PPHLN1: variants seen among roughly 807,000 people sequenced by gnomAD.
The protein encoded by PPHLN1 is periphilin 1.
In PPHLN1, 29 loss-of-function variants were observed where a neutral mutation model predicts 51.3. The observed-to-expected ratio is 0.57, with a 90% confidence interval of 0.42 to 0.77. The LOEUF is 0.77. Among genes scored for constraint, PPHLN1 ranks in the 30% least tolerant of loss-of-function variants. The pLI is 0.00. For synonymous variants in PPHLN1, 147 were observed against 147.8 expected (o/e 0.99, Z 0.04); for missense variants, 436 against 438.4 (o/e 0.99, Z 0.05).
chr12:42,356,616 GTTTC>G (rs1185980142), intron 4 of PPHLN1, among the ~76,000 whole-genome samples: 1 of 152,116 alleles, frequency 6.6e-6, no homozygotes, highest in Non-Finnish European at 1.5e-5. Context: ...ATGGCAGACT[GTTTC>G]TTCCAAAAGA....
intron 8 of PPHLN1, among the ~76,000 whole-genome samples, chr12:42,396,615 C>CAAAAAAAAAAAAAAAAAAAA (rs60131845): frequency 3.5e-5 from 3 of 85,496 alleles, no homozygotes; most frequent in East Asian, 4.3e-4. Flanking sequence ...CTTGTCACTA[C>CAAAAAAAAAAAAAAAAAAAA]AAAAAAAAAA....
intron 9 of PPHLN1, among the ~76,000 whole-genome samples, chr12:42,420,668 C>CCCCCT (rs2080915078): frequency 6.4e-5 from 6 of 94,238 alleles, no homozygotes; most frequent in African/African-American, 2.1e-4. Flanking sequence ...CCTTCCCTCC[C>CCCCCT]GCCCTCCCCT....
chr12:42,427,441 AAT>A (rs767863561), intron 9 of PPHLN1, among the ~76,000 whole-genome samples: 14 of 152,346 alleles, frequency 9.2e-5, no homozygotes, highest in Middle Eastern at 3.4e-3. Flanking sequence ...AATGGAACAG[AAT>A]AGAGAACCCA....
At chr12:42,335,222 CCTT>C (rs911782548) in intron 1 of PPHLN1, among the ~76,000 whole-genome samples, 3 of 152,002 alleles carry the variant, frequency 2.0e-5, no homozygotes, top group African/African-American at 7.3e-5. Flanking sequence ...CCCACCCCCC[CCTT>C]CTCTGAATCC....
At chr12:42,446,259 T>G, downstream of PPHLN1, 1 of 1,609,054 alleles carries the variant, frequency 6.2e-7, no homozygotes, top group Non-Finnish European at 8.5e-7. Flanking sequence ...TTCCTTGCTA[T>G]GCTCTCTGTT....
intron 9 of PPHLN1, among the ~76,000 whole-genome samples, chr12:42,422,967 C>T (rs1177896043): frequency 6.6e-5 from 10 of 152,096 alleles, no homozygotes; most frequent in Admixed American, 4.6e-4. Flanking sequence ...AACTAACACC[C>T]GGTATTTACC....
At chr12:42,443,675 A>T (rs1051179793), downstream of PPHLN1, 2 of 152,156 alleles carry the variant, frequency 1.3e-5, no homozygotes, top group Admixed American at 6.5e-5. Context: ...GAATTTGCCC[A>T]TTTTCGTCAT....
At chr12:42,371,415 G>C (rs2138690860) in intron 4 of PPHLN1, among the ~76,000 whole-genome samples, 1 of 152,206 alleles carries the variant, frequency 6.6e-6, no homozygotes, top group Non-Finnish European at 1.5e-5. Flanking sequence ...ACTGCACCCG[G>C]CCAACTCCTA....
intron 5 of PPHLN1, among the ~76,000 whole-genome samples, chr12:42,379,435 C>T (rs922633351): frequency 1.3e-5 from 2 of 151,644 alleles, no homozygotes; most frequent in Admixed American, 6.6e-5. Flanking sequence ...GGAGTACTAT[C>T]ATATTCTTCA....
intron 9 of PPHLN1, among the ~76,000 whole-genome samples, chr12:42,435,334 T>C (rs1006008397): frequency 6.6e-6 from 1 of 152,222 alleles, no homozygotes; most frequent in African/African-American, 2.4e-5. Flanking sequence ...ATATTGAATG[T>C]AGGCACTATA....
chr12:42,399,647 C>G (rs1812521715), intron 9 of PPHLN1: 1 of 173,856 alleles, frequency 5.8e-6, no homozygotes, highest in East Asian at 1.9e-4. Flanking sequence ...AAATTAAGAA[C>G]AAAGTGAAAA....
chr12:42,443,352 T>C (rs1205250694), downstream of PPHLN1: 4 of 152,310 alleles, frequency 2.6e-5, no homozygotes, highest in Non-Finnish European at 5.9e-5. Context: ...CCCATTACTT[T>C]TTATGCTTAT....
chr12:42,439,594 G>A (rs572702853), intron 9 of PPHLN1, among the ~76,000 whole-genome samples: 290 of 152,236 alleles, frequency 1.9e-3, no homozygotes, highest in African/African-American at 6.6e-3. Context: ...GGCTCACTGC[G>A]ACGTCTGCCT....
At chr12:42,407,071 A>ACTACC (rs1197477449) in intron 9 of PPHLN1, among the ~76,000 whole-genome samples, 4 of 152,224 alleles carry the variant, frequency 2.6e-5, no homozygotes, top group African/African-American at 9.6e-5. Flanking sequence ...CTGCAACAAT[A>ACTACC]CTACCCCATC....
intron 2 of PPHLN1, chr12:42,347,021 G>C (rs749166143): frequency 2.6e-5 from 4 of 152,208 alleles, no homozygotes; most frequent in Admixed American, 2.6e-4. Context: ...AAGTATCTGC[G>C]ATTACAGGTG....
chr12:42,374,711 C>A, intron 4 of PPHLN1, 152 bp from the exon 5 acceptor site: 1 of 587,298 alleles, frequency 1.7e-6, no homozygotes, highest in Non-Finnish European at 2.9e-6. Flanking sequence ...GTCTCGGCCT[C>A]CCAAAGTGCT....
chr12:42,404,476 C>T (rs1259198467), intron 9 of PPHLN1, among the ~76,000 whole-genome samples: 2 of 152,032 alleles, frequency 1.3e-5, no homozygotes, highest in Non-Finnish European at 2.9e-5. Flanking sequence ...TTGCAGTGAG[C>T]CGAGATTGCG....
Position 42,400,758 on chromosome 12 carries a change from T to G in PPHLN1, c.909+1764T>G, listed in dbSNP as rs149281898. 1.6e-4 allele frequency among the ~76,000 whole-genome samples: 23 copies of G among 144,116 alleles called. No individual in the cohort carries two copies. The East Asian group carries it at 3.6e-3, about 23-fold the overall frequency. The allele number at this position is 144,116 out of a possible 152,430, so 94.5% of individuals were successfully genotyped here. A position where few individuals can be genotyped will look rare whatever the true frequency, so the allele number is the denominator to read the frequency against. ...AATAACAGGGGAGAGCGAGACCCTG[T>G]CTCTCTCTCTCTCTCTTTCTCTCTC... On this transcript the variant is annotated intron_variant, in intron 9 of 9. Coordinates refer to ENST00000358314, the MANE Select transcript of PPHLN1 (RefSeq NM_201439.2).
chr12:42,429,411 C>G (rs2081826433), intron 9 of PPHLN1, among the ~76,000 whole-genome samples: 1 of 152,136 alleles, frequency 6.6e-6, no homozygotes, highest in Non-Finnish European at 1.5e-5. Context: ...TGATTGCAGT[C>G]TACTATCTTT....
Sources: gnomAD v4.1 joint callset for allele counts (sites outside exome capture counted in the v4.1 genomes callset) on GRCh38, gnomAD v4.1.1 for gene constraint, MANE v1.5 for transcripts, NCBI Gene and HGNC (gene_info 2026-07-23, HGNC 2026-07-21) for gene names.